DOK6: variants seen among roughly 807,000 people sequenced by gnomAD.
DOK6 encodes the protein downstream of tyrosine kinase 6.
DOK6 carries 22 observed loss-of-function variants against 44.0 expected under a neutral mutation model. The ratio of observed to expected loss-of-function variants is 0.50; its 90% CI spans 0.36 to 0.71. The LOEUF (loss-of-function observed/expected upper bound fraction) is 0.71, where lower values mean the gene tolerates loss of function less well. Among genes scored for constraint, DOK6 ranks in the 30% least tolerant of loss-of-function variants. DOK6 has a pLI of 0.00. For synonymous variants in DOK6, 166 were observed against 145.5 expected (o/e 1.14, Z -1.01); for missense variants, 340 against 416.4 (o/e 0.82, Z 1.60).
At chr18:69,766,567 G>A (rs980339989) in intron 7 of DOK6, among the ~76,000 whole-genome samples, 8 of 152,100 alleles carry the variant, frequency 5.3e-5, no homozygotes, top group African/African-American at 1.9e-4. Context: ...CAATAAAGAA[G>A]TAAGCTAGAG....
At chr18:69,635,570 G>T (rs1261756868) in intron 3 of DOK6, among the ~76,000 whole-genome samples, 1 of 152,186 alleles carries the variant, frequency 6.6e-6, no homozygotes, top group African/African-American at 2.4e-5. Flanking sequence ...GATTTTAGGA[G>T]TTGGATTACT....
intron 2 of DOK6, among the ~76,000 whole-genome samples, chr18:69,596,950 C>G (rs554858719): frequency 6.6e-6 from 1 of 151,776 alleles, no homozygotes; most frequent in Non-Finnish European, 1.5e-5. Context: ...CAGATAGTAA[C>G]TCAAGTCAAT....
intron 1 of DOK6, among the ~76,000 whole-genome samples, chr18:69,459,289 C>G (rs1013699084): frequency 3.3e-5 from 5 of 149,930 alleles, no homozygotes; most frequent in Non-Finnish European, 5.9e-5. Flanking sequence ...TTTAGTAACC[C>G]CTAAAATTAG....
chr18:69,685,331 T>A (rs1235437289), intron 4 of DOK6, among the ~76,000 whole-genome samples: 1 of 152,204 alleles, frequency 6.6e-6, no homozygotes, highest in African/African-American at 2.4e-5. Flanking sequence ...CATCAAGTTC[T>A]ATTCTAGTTT....
At chr18:69,567,858 A>G (rs1424145277) in intron 2 of DOK6, among the ~76,000 whole-genome samples, 1 of 152,208 alleles carries the variant, frequency 6.6e-6, no homozygotes, top group East Asian at 1.9e-4. Context: ...TGTCTGTCTC[A>G]TCAGCAGCTT....
Position 69,592,350 on chromosome 18 carries a change from AT to A in DOK6, c.175-7029del, listed in dbSNP as rs539913481. Among the ~76,000 whole-genome samples the A allele has an allele frequency of 4.0e-3, 612 of 151,254 alleles. 8 individuals carry two copies. The highest frequency in any genetic ancestry group is 0.014 in the African/African-American group (566 of 41,272). On this transcript the variant is annotated intron_variant, in intron 2 of 7. Transcript: ENST00000382713. Reference sequence around the variant, plus strand: ...CTTCCTCTCTGCTCCCTTAATTCTGATTTTTCCTTCTTTCATAGGGTTTACT... The same window carrying A: ...CTTCCTCTCTGCTCCCTTAATTCTGATTTTCCTTCTTTCATAGGGTTTACT...
At chr18:69,634,694 G>A (rs541020627) in intron 3 of DOK6, among the ~76,000 whole-genome samples, 1 of 152,212 alleles carries the variant, frequency 6.6e-6, no homozygotes, top group African/African-American at 2.4e-5. Context: ...GAGAAATAAA[G>A]CCCAGACCCT....
chr18:69,558,996 A>G (rs188116876), intron 1 of DOK6, among the ~76,000 whole-genome samples: 127 of 152,286 alleles, frequency 8.3e-4, no homozygotes, highest in Middle Eastern at 3.4e-3. Flanking sequence ...AAAAAAAATA[A>G]TAACTTAAGG....
intron 6 of DOK6, among the ~76,000 whole-genome samples, chr18:69,745,157 A>G (rs1306251130): frequency 1.3e-5 from 2 of 152,122 alleles, no homozygotes; most frequent in East Asian, 3.8e-4. Flanking sequence ...AATGCATTTC[A>G]TGTATGTATG....
intron 1 of DOK6, among the ~76,000 whole-genome samples, chr18:69,433,453 T>C (rs1599128650): frequency 6.6e-6 from 1 of 152,298 alleles, no homozygotes; most frequent in African/African-American, 2.4e-5. Flanking sequence ...TATCAAATTT[T>C]GTAAGTAAAC....
chr18:69,553,073 A>C (rs1158568093), intron 1 of DOK6, among the ~76,000 whole-genome samples: 1 of 152,252 alleles, frequency 6.6e-6, no homozygotes, highest in Non-Finnish European at 1.5e-5. Flanking sequence ...ATAATGTTTT[A>C]AGATTTAACA....
intron 5 of DOK6, among the ~76,000 whole-genome samples, chr18:69,701,475 T>A (rs1986519198): frequency 6.6e-6 from 1 of 152,256 alleles, no homozygotes; most frequent in Non-Finnish European, 1.5e-5. Flanking sequence ...TTTTATCCTG[T>A]GAAAGACAAA....
chr18:69,435,744 T>C (rs1978957214), intron 1 of DOK6, among the ~76,000 whole-genome samples: 3 of 152,302 alleles, frequency 2.0e-5, no homozygotes, highest in Middle Eastern at 3.4e-3. Flanking sequence ...CTTATTATTG[T>C]TTTTATTTTC....
intron 1 of DOK6, among the ~76,000 whole-genome samples, chr18:69,506,840 T>C (rs1981201909): frequency 6.6e-6 from 1 of 151,914 alleles, no homozygotes; most frequent in African/African-American, 2.4e-5. Context: ...ATGGCAACAT[T>C]TTGAATTTGC....
At position 69,701,008 on chromosome 18, in the gene DOK6, T is replaced by C. The variant is rs114763560; in HGVS notation, c.599+2415T>C. ...CTAATAGTAGTATTAGTACAAATAA[T>C]ACATATGAAAATAATACAATTGGAT... On this transcript the variant is annotated intron_variant, in intron 5 of 7. Transcript: ENST00000382713. Among the ~76,000 whole-genome samples, 824 of 152,376 alleles carry C rather than the reference T, an allele frequency of 5.4e-3. 8 individuals are homozygous for C. Among genetic ancestry groups the C allele is most frequent in the African/African-American group, 0.019 (805 of 41,598 alleles).
At chr18:69,456,050 C>A (rs1457729364) in intron 1 of DOK6, among the ~76,000 whole-genome samples, 1 of 152,146 alleles carries the variant, frequency 6.6e-6, no homozygotes, top group Non-Finnish European at 1.5e-5. Flanking sequence ...AAATCTGTTT[C>A]TGCCATATAG....
At chr18:69,561,321 C>A (rs1163188097) in intron 1 of DOK6, among the ~76,000 whole-genome samples, 1 of 152,110 alleles carries the variant, frequency 6.6e-6, no homozygotes, top group South Asian at 2.1e-4. Flanking sequence ...ACTGTCTCTT[C>A]TTGATGTTTG....
intron 1 of DOK6, among the ~76,000 whole-genome samples, chr18:69,562,987 G>A (rs78061239): frequency 0.18 from 27,159 of 152,090 alleles, 2,922 homozygotes; most frequent in Middle Eastern, 0.29. Context: ...AAAAGTGGGC[G>A]AAGGATATGA....
chr18:69,630,757 G>A (rs917885707), intron 3 of DOK6, among the ~76,000 whole-genome samples: 44 of 152,180 alleles, frequency 2.9e-4, no homozygotes, highest in African/African-American at 8.2e-4. Context: ...TACTGTGACT[G>A]CATGTATTGC....
Sources: allele counts gnomAD v4.1 joint callset (sites outside exome capture counted in the v4.1 genomes callset), GRCh38; gene constraint gnomAD v4.1.1; transcripts MANE v1.5; gene names NCBI Gene and HGNC (gene_info 2026-07-23, HGNC 2026-07-21).